MCU: variants seen among roughly 807,000 people sequenced by gnomAD.
MCU encodes mitochondrial calcium uniporter.
In MCU, 12 loss-of-function variants were observed where a neutral mutation model predicts 45.2. That is an observed-to-expected ratio of 0.27 (90% CI 0.17 to 0.43). The LOEUF is 0.43. MCU is among the 20% of genes least tolerant of loss of function. MCU has a pLI of 1.00. For synonymous variants in MCU, 160 were observed against 165.1 expected (o/e 0.97, Z 0.24); for missense variants, 324 against 436.7 (o/e 0.74, Z 2.30).
At chr10:72,853,621 G>GC (rs1237199015) in intron 2 of MCU, among the ~76,000 whole-genome samples, 3 of 152,122 alleles carry the variant, frequency 2.0e-5, no homozygotes, top group Non-Finnish European at 4.4e-5. Context: ...TTTGAGGAAA[G>GC]CCAGATCTAA....
chr10:72,785,518 T>C (rs1844059117), intron 1 of MCU, among the ~76,000 whole-genome samples: 1 of 152,228 alleles, frequency 6.6e-6, no homozygotes, highest in Non-Finnish European at 1.5e-5. Flanking sequence ...TAGCCAAATA[T>C]ATTCCAGGAA....
chr10:72,693,007 C>T, intron 1 of MCU: 5 of 1,536,094 alleles, frequency 3.3e-6, no homozygotes, highest in Non-Finnish European at 4.4e-6. Context: ...ACTGTATAAG[C>T]GTGTTCACGC....
At chr10:72,739,913 T>A (rs1843302750) in intron 1 of MCU, among the ~76,000 whole-genome samples, 1 of 151,922 alleles carries the variant, frequency 6.6e-6, no homozygotes, top group South Asian at 2.1e-4. Context: ...TGACCTCAAG[T>A]GATCTGCCTG....
At chr10:72,707,606 GGTGTGTGTGTGTGTGTGTGTGT>G (rs373225323) in intron 1 of MCU, among the ~76,000 whole-genome samples, 1 of 134,958 alleles carries the variant, frequency 7.4e-6, no homozygotes, top group African/African-American at 3.2e-5. Flanking sequence ...CGTGGTGAGT[GGTGTGTGTGTGTGTGTGTGTGT>G]GTGTGTGTGT....
chr10:72,743,717 C>T (rs1016096202), intron 1 of MCU, among the ~76,000 whole-genome samples: 1 of 152,018 alleles, frequency 6.6e-6, no homozygotes, highest in East Asian at 1.9e-4. Flanking sequence ...TGCATTATCA[C>T]CTAGAGGGGT....
chr10:72,715,175 A>G (rs1589429135), intron 1 of MCU: 3 of 985,612 alleles, frequency 3.0e-6, no homozygotes, highest in Middle Eastern at 5.2e-4. Context: ...TCCATGTACC[A>G]TGCCAGTGAC....
intron 1 of MCU, among the ~76,000 whole-genome samples, chr10:72,695,201 A>G (rs1842670760): frequency 6.6e-6 from 1 of 152,244 alleles, no homozygotes. Context: ...GGCATTTTCT[A>G]GCAGTTAACG....
intron 1 of MCU, chr10:72,693,173 AGTGTGTGTGTGTGTGT>A: frequency 1.3e-6 from 1 of 798,786 alleles, no homozygotes; most frequent in East Asian, 3.1e-5. Context: ...CTCTTGGGTG[AGTGTGTGTGTGTGTGT>A]GTGTGTGTGT....
At chr10:72,737,994 A>G (rs893239848) in intron 1 of MCU, among the ~76,000 whole-genome samples, 1 of 152,080 alleles carries the variant, frequency 6.6e-6, no homozygotes. Context: ...TTCAGGTACA[A>G]TTGCTGCTTT....
At chr10:72,707,797 T>C (rs1463643847) in intron 1 of MCU, among the ~76,000 whole-genome samples, 1 of 152,164 alleles carries the variant, frequency 6.6e-6, no homozygotes, top group African/African-American at 2.4e-5. Flanking sequence ...GTCAGTTAAA[T>C]AAGGATGCTT....
chr10:72,736,396 A>G (rs1383447686), intron 1 of MCU: 6 of 152,214 alleles, frequency 3.9e-5, no homozygotes, highest in African/African-American at 1.4e-4. Context: ...CTAAAGGTTT[A>G]GTCCTAAAAG....
chr10:72,760,735 CAG>C (rs1483995950), intron 1 of MCU: 1 of 82,336 alleles, frequency 1.2e-5, no homozygotes, highest in Non-Finnish European at 2.2e-5. Flanking sequence ...TTTTTTTTTG[CAG>C]AGACAGGGTC....
At chr10:72,775,767 A>G (rs1002325430) in intron 1 of MCU, among the ~76,000 whole-genome samples, 1 of 152,222 alleles carries the variant, frequency 6.6e-6, no homozygotes, top group South Asian at 2.1e-4. Context: ...TGGGAAATCT[A>G]GAAGAAAAGG....
At chr10:72,756,910 C>T (rs993680635) in intron 1 of MCU, 1 of 151,600 alleles carries the variant, frequency 6.6e-6, no homozygotes, top group East Asian at 1.9e-4. Context: ...CAGTGGCATA[C>T]ACCTGTAGTC....
chr10:72,744,505 C>T (rs1843382215), intron 1 of MCU, among the ~76,000 whole-genome samples: 1 of 152,172 alleles, frequency 6.6e-6, no homozygotes. Context: ...TGGCACACAG[C>T]TGTAGTCCCA....
At chr10:72,875,052 C>T (rs971988188) in intron 6 of MCU, among the ~76,000 whole-genome samples, 4 of 152,084 alleles carry the variant, frequency 2.6e-5, no homozygotes, top group African/African-American at 9.7e-5. Context: ...ATTAATATAT[C>T]GCCATTCCAT....
intron 1 of MCU, among the ~76,000 whole-genome samples, chr10:72,809,545 T>C (rs977430467): frequency 1.3e-5 from 2 of 152,080 alleles, no homozygotes; most frequent in East Asian, 1.9e-4. Flanking sequence ...ATCGGAAACA[T>C]TGGAGTGGAG....
chr10:72,784,821 C>G (rs1302432190), intron 1 of MCU, among the ~76,000 whole-genome samples: 1 of 152,122 alleles, frequency 6.6e-6, no homozygotes, highest in South Asian at 2.1e-4. Context: ...TGGGGAATCC[C>G]TCCTACCAAG....
chr10:72,856,991 G>A lies in MCU; in HGVS notation c.221-2186G>A, dbSNP rs555796909. On this transcript the variant is annotated intron_variant, in intron 2 of 7. Transcript: ENST00000373053. ...ACATGGGGTCCCACTCGGTTGCTCA[G>A]GCTGGAGTGCAGTGGCACAATCATA... Among the ~76,000 whole-genome samples the A allele has an allele frequency of 3.3e-5, 5 of 150,784 alleles. No homozygotes were observed. In the East Asian group the frequency reaches 9.8e-4, roughly 29 times the overall value.
Sources: allele counts gnomAD v4.1 joint callset (sites outside exome capture counted in the v4.1 genomes callset), GRCh38; gene constraint gnomAD v4.1.1; transcripts MANE v1.5; gene names NCBI Gene and HGNC (gene_info 2026-07-23, HGNC 2026-07-21).